Variants in ATF7IP2 observed in about 807,000 individuals in gnomAD.
ATF7IP2 encodes activating transcription factor 7-interacting protein 2.
Under a neutral mutation model 64.2 loss-of-function variants are expected in ATF7IP2, and 42 were observed. The ratio of observed to expected loss-of-function variants is 0.65; its 90% CI spans 0.51 to 0.85. The LOEUF (loss-of-function observed/expected upper bound fraction) is 0.85. Among genes scored for constraint, ATF7IP2 ranks in the 40% least tolerant of loss-of-function variants. The probability of loss-of-function intolerance (pLI) is 0.00; values close to 1 mark genes in which losing one functional copy is unlikely to be tolerated. For synonymous variants in ATF7IP2, 308 were observed against 272.8 expected, an observed-to-expected ratio of 1.13 and a Z score of -1.27; for missense variants, 933 against 784.2, an observed-to-expected ratio of 1.19 and a Z score of -2.27.
At chr16:10,481,583 G>A (rs1022611646) in intron 13 of ATF7IP2, among the ~76,000 whole-genome samples, 3 of 152,124 alleles carry the variant, frequency 2.0e-5, no homozygotes, top group Non-Finnish European at 4.4e-5. Context: ...GTTTGAGAGC[G>A]CAATTTGGAA....
intron 1 of ATF7IP2, among the ~76,000 whole-genome samples, chr16:10,391,055 G>A (rs1187457174): frequency 6.6e-6 from 1 of 151,844 alleles, no homozygotes; most frequent in African/African-American, 2.4e-5. Context: ...CTACTCTGGA[G>A]AATGAGATGG....
At chr16:10,394,304 TATA>T (rs1387991590) in intron 1 of ATF7IP2, among the ~76,000 whole-genome samples, 1 of 152,242 alleles carries the variant, frequency 6.6e-6, no homozygotes, top group African/African-American at 2.4e-5. Flanking sequence ...AGGGACATTC[TATA>T]ATGACAGAAG....
intron 3 of ATF7IP2, among the ~76,000 whole-genome samples, chr16:10,424,103 A>G (rs1417386394): frequency 6.6e-6 from 1 of 152,252 alleles, no homozygotes; most frequent in Non-Finnish European, 1.5e-5. Flanking sequence ...TATCTGCAGC[A>G]GGAACATGTC....
intron 1 of ATF7IP2, among the ~76,000 whole-genome samples, chr16:10,406,318 C>T (rs2047638837): frequency 6.6e-6 from 1 of 152,050 alleles, no homozygotes; most frequent in Non-Finnish European, 1.5e-5. Context: ...GTTGCTTGGG[C>T]TGGTCTTGAT....
chr16:10,454,408 C>CAAAAAAAAAA (rs34720125), intron 8 of ATF7IP2: 2 of 48,230 alleles, frequency 4.1e-5, no homozygotes, highest in Non-Finnish European at 6.8e-5. Flanking sequence ...GACTCCATCT[C>CAAAAAAAAAA]AAAAAAAAAA....
At chr16:10,422,836 G>A (rs2048012623) in intron 3 of ATF7IP2, among the ~76,000 whole-genome samples, 1 of 152,196 alleles carries the variant, frequency 6.6e-6, no homozygotes, top group Non-Finnish European at 1.5e-5. Context: ...ATCAGGAGCT[G>A]CGCTATACAC....
At chr16:10,424,487 T>G (rs753366145) in intron 3 of ATF7IP2, among the ~76,000 whole-genome samples, 3 of 152,236 alleles carry the variant, frequency 2.0e-5, no homozygotes, top group Non-Finnish European at 2.9e-5. Context: ...TTTAAATCTT[T>G]AGAAATTATG....
At chr16:10,423,679 C>T (rs555174809) in intron 3 of ATF7IP2, among the ~76,000 whole-genome samples, 1 of 152,166 alleles carries the variant, frequency 6.6e-6, no homozygotes, top group Non-Finnish European at 1.5e-5. Flanking sequence ...AAACCTCTCC[C>T]TCCTTTGCCA....
intron 1 of ATF7IP2, among the ~76,000 whole-genome samples, chr16:10,404,889 G>A (rs1255152454): frequency 6.6e-6 from 1 of 152,008 alleles, no homozygotes; most frequent in African/African-American, 2.4e-5. Context: ...GATGGGATGG[G>A]ATTGTCAAAG....
At chr16:10,446,457 G>C (rs2048808152) in intron 8 of ATF7IP2, 1 of 152,166 alleles carries the variant, frequency 6.6e-6, no homozygotes, top group Non-Finnish European at 1.5e-5. Flanking sequence ...GTTCCCTCCA[G>C]TCTTTAGGGG....
intron 1 of ATF7IP2, among the ~76,000 whole-genome samples, chr16:10,400,940 G>A (rs1444388150): frequency 6.6e-6 from 1 of 151,866 alleles, no homozygotes; most frequent in African/African-American, 2.4e-5. Flanking sequence ...CGCCTCAGGT[G>A]ATCCACCTGC....
At chr16:10,402,507 G>C (rs2047555020) in intron 1 of ATF7IP2, among the ~76,000 whole-genome samples, 1 of 152,082 alleles carries the variant, frequency 6.6e-6, no homozygotes, top group South Asian at 2.1e-4. Context: ...CTGTCACCCA[G>C]GCTGGAGTGC....
At chr16:10,413,068 G>C (rs977447775) in intron 1 of ATF7IP2, among the ~76,000 whole-genome samples, 1 of 152,142 alleles carries the variant, frequency 6.6e-6, no homozygotes, top group Admixed American at 6.5e-5. Context: ...TGTTAGGTGA[G>C]TCTCTTCAAG....
chr16:10,441,595 G>A (rs1197718925), intron 8 of ATF7IP2, among the ~76,000 whole-genome samples: 1 of 152,050 alleles, frequency 6.6e-6, no homozygotes, highest in Non-Finnish European at 1.5e-5. Flanking sequence ...TTTTTGATGG[G>A]GTTGTTTTTT....
intron 1 of ATF7IP2, among the ~76,000 whole-genome samples, chr16:10,401,503 C>A (rs974699159): frequency 1.3e-5 from 2 of 152,072 alleles, no homozygotes; most frequent in Non-Finnish European, 1.5e-5. Context: ...ATTCAGTTTG[C>A]TAGTATGTTG....
intron 1 of ATF7IP2, among the ~76,000 whole-genome samples, chr16:10,405,483 AT>A (rs910511542): frequency 2.6e-5 from 4 of 152,174 alleles, no homozygotes; most frequent in African/African-American, 9.7e-5. Context: ...GCCCCCCACC[AT>A]TTTGCAGACC....
intron 9 of ATF7IP2, among the ~76,000 whole-genome samples, chr16:10,461,031 A>C (rs1399310227): frequency 6.6e-6 from 1 of 152,144 alleles, no homozygotes; most frequent in Non-Finnish European, 1.5e-5. Flanking sequence ...AAATGGGCAA[A>C]AGACTTGTGC....
intron 1 of ATF7IP2, among the ~76,000 whole-genome samples, chr16:10,389,293 T>C (rs2047273002): frequency 6.6e-6 from 1 of 152,166 alleles, no homozygotes; most frequent in South Asian, 2.1e-4. Context: ...AACTTAAATA[T>C]TGATTTAACT....
Position 10,440,352 on chromosome 16 carries a change from T to C in ATF7IP2, c.1096-12T>C, listed in dbSNP as rs1291641881. On this transcript the variant is annotated splice_polypyrimidine_tract_variant and intron_variant, in intron 7 of 13. Transcript: ENST00000562102. ...CTGGCTTAGTATTTATTTTTTTCTC[T>C]TTTTCTTCTAGGCAAAAATAGCAAA... 3.5e-6 allele frequency: 5 copies of C among 1,419,426 alleles called. No homozygotes were observed. In the African/African-American group the frequency reaches 4.4e-5, roughly 12 times the overall value. The allele number at this position is 1,419,426 out of a possible 1,614,324, so 87.9% of individuals were successfully genotyped here. A position where few individuals can be genotyped will look rare whatever the true frequency, so the allele number is the denominator to read the frequency against.
Sources: allele counts gnomAD v4.1 joint callset (sites outside exome capture counted in the v4.1 genomes callset), GRCh38; gene constraint gnomAD v4.1.1; transcripts MANE v1.5; gene names NCBI Gene and HGNC (gene_info 2026-07-23, HGNC 2026-07-21).